MTFMT: variants seen among roughly 807,000 people sequenced by gnomAD.
The protein encoded by MTFMT is methionyl-tRNA formyltransferase, mitochondrial.
A neutral mutation model predicts 51.8 loss-of-function variants in MTFMT; 47 were observed. The observed-to-expected ratio is 0.91, with a 90% CI of 0.72 to 1.16. MTFMT has a LOEUF of 1.16. MTFMT is among the 50% of genes most tolerant of loss of function. The probability of loss-of-function intolerance (pLI) is 0.00; values close to 1 mark genes in which losing one functional copy is unlikely to be tolerated. For missense variants in MTFMT, 512 were observed against 482.3 expected (o/e 1.06, Z -0.58); for synonymous variants, 196 against 176.7 (o/e 1.11, Z -0.87).
intron 6 of MTFMT, among the ~76,000 whole-genome samples, chr15:65,011,485 CTTTTTTTTTT>C (rs536213292): frequency 0.023 from 1,702 of 74,094 alleles, 16 homozygotes; most frequent in Admixed American, 0.035. Flanking sequence ...TGTAAGCTGT[CTTTTTTTTTT>C]TTTTTTTTTT....
intron 6 of MTFMT, among the ~76,000 whole-genome samples, chr15:65,006,931 C>T (rs1010960630): frequency 3.3e-5 from 5 of 152,212 alleles, no homozygotes; most frequent in South Asian, 2.1e-4. Context: ...AGGAGACAGC[C>T]AAATGCCACC....
chr15:65,011,522 G>A (rs1202416386), intron 6 of MTFMT, among the ~76,000 whole-genome samples: 1 of 121,782 alleles, frequency 8.2e-6, no homozygotes, highest in Non-Finnish European at 1.6e-5. Flanking sequence ...TTGAGACAGG[G>A]TCTCACTTTG....
chr15:65,027,487 C>T (rs1048870455), intron 1 of MTFMT, among the ~76,000 whole-genome samples: 3 of 152,208 alleles, frequency 2.0e-5, no homozygotes, highest in Admixed American at 6.5e-5. Context: ...GCGTGAACAC[C>T]GTGCCCAGCC....
Position 65,023,775 on chromosome 15 carries a change from G to T in MTFMT, c.439C>A (p.Pro147Thr), listed in dbSNP as rs763339472. 1 of 1,612,312 alleles carries T rather than the reference G, an allele frequency of 6.2e-7. No homozygotes were observed. Among genetic ancestry groups the T allele is most frequent in the Admixed American group, 1.7e-5 (1 of 59,816 alleles). ...KFPYGILNVH[P>T]SCLPRWRGPA... ...CCACGCCATCTCGGGAGGCAACTGG[G>T]ATGAACATTCAATATGCCACTGAGT... Residue 147 changes from proline (P) to threonine (T), a missense_variant, in exon 3 of 9, where the codon CCC (proline) becomes ACC (threonine). By Grantham distance (38) the Pro-to-Thr change is conservative. Coordinates refer to ENST00000220058, the MANE Select transcript of MTFMT (RefSeq NM_139242.4).
chr15:65,017,503 T>C (rs1171575106), intron 5 of MTFMT, among the ~76,000 whole-genome samples: 1 of 152,194 alleles, frequency 6.6e-6, no homozygotes, highest in Admixed American at 6.5e-5. Flanking sequence ...TATATTCACA[T>C]AGCTGAGAAC....
chr15:65,026,757 T>A (rs1404774836), intron 2 of MTFMT, 74 bp downstream of exon 2: 1 of 1,150,916 alleles, frequency 8.7e-7, no homozygotes, highest in East Asian at 2.4e-5. Context: ...GTTCAAATTA[T>A]CACATTTTAT....
chr15:65,008,259 C>T (rs1195166108), intron 6 of MTFMT, among the ~76,000 whole-genome samples: 5 of 152,106 alleles, frequency 3.3e-5, no homozygotes, highest in African/African-American at 9.7e-5. Flanking sequence ...CTTCCCCCAC[C>T]AATGGTTGGC....
At position 65,002,221 on chromosome 15, in the gene MTFMT, A is replaced by AC. The variant is rs1194867709; in HGVS notation, c.*840dup. On this transcript the variant is annotated 3_prime_UTR_variant, in exon 9 of 9. Transcript: ENST00000220058. The stretch of plus-strand genomic sequence containing the variant: ...AGACCATCCTGGCTAACACAGTGAA[A>AC]CCCCATCTCTACTAAAAATACAAAA... 1 of 151,672 alleles carries AC rather than the reference A, an allele frequency of 6.6e-6. No homozygotes were observed. The highest frequency in any genetic ancestry group is 1.5e-5 in the Non-Finnish European group (1 of 67,990). The allele number at this position is 151,672 out of a possible 1,614,324, so 9.4% of individuals were successfully genotyped here.
rs376154564 is a variant in MTFMT at position 65,003,112 on chromosome 15, T to C, written c.1120A>G (p.Thr374Ala). ...ACAGTTTTTTTCTGCTTCTTCTTTG[T>C]TGGAAGTCTGAGAGTCTGAAATCTG... ...QCRFQTLRLP[T>A]KKKQKKTVAM... The change falls in exon 9 of 9, where the codon ACA (threonine) becomes GCA (alanine). Residue 374 changes from threonine to alanine, a missense_variant. Transcript: ENST00000220058. The C allele has an allele frequency of 2.5e-5, 41 of 1,611,378 alleles. No individual in the cohort carries two copies. Among genetic ancestry groups the C allele is most frequent in the Admixed American group, 5.0e-5 (3 of 59,674 alleles).
chr15:65,008,471 A>G (rs765269883), intron 6 of MTFMT, among the ~76,000 whole-genome samples: 15 of 152,336 alleles, frequency 9.8e-5, no homozygotes, highest in South Asian at 2.1e-4. Flanking sequence ...CTGTAGTTCA[A>G]TCCTCTATTT....
In MTFMT at chr15:65,028,399, C is replaced by T. The variant is rs551913807; in HGVS notation, c.209+1006G>A. Among the ~76,000 whole-genome samples, 27 of 152,170 alleles carry T rather than the reference C, an allele frequency of 1.8e-4. No individual in the cohort carries two copies. In the Middle Eastern group the frequency reaches 0.017, roughly 96 times the overall value. On this transcript the variant is annotated intron_variant, in intron 1 of 8. Coordinates refer to ENST00000220058, the MANE Select transcript of MTFMT (RefSeq NM_139242.4). ...CACTGCACTCCAGCCTGGGGGACAG[C>T]GCGAGACCTCGCCTCAGAAACAAAC...
intron 1 of MTFMT, among the ~76,000 whole-genome samples, chr15:65,028,025 A>G (rs2086442238): frequency 1.3e-5 from 2 of 152,214 alleles, no homozygotes; most frequent in African/African-American, 4.8e-5. Context: ...TTTATTAAAC[A>G]GGTATTGTAT....
intron 6 of MTFMT, 117 bp from the exon 7 acceptor site, chr15:65,006,308 A>C: frequency 1.4e-6 from 1 of 702,018 alleles, no homozygotes; most frequent in Admixed American, 2.1e-5. Flanking sequence ...TTGGGAACTC[A>C]GTCACTAAGT....
rs398027674 is a variant in MTFMT, at chr15:65,002,962, CAA to C, written c.*98_*99del. The C allele has an allele frequency of 0.029, 9,207 of 321,768 alleles. No individual in the cohort carries two copies. The highest frequency in any genetic ancestry group is 0.054 in the East Asian group (906 of 16,826). The allele number at this position is 321,768 out of a possible 1,614,324, so 19.9% of individuals were successfully genotyped here. ...TGGGTGACAGAGTGAGACTCTGTCT[CAA>C]AAAAAAAAAAAAAAAAAAAAGTCCA... On this transcript the variant is annotated 3_prime_UTR_variant, in exon 9 of 9. Transcript: ENST00000220058.
rs2086323375 is a variant in MTFMT, at chr15:65,016,504, T to C, written c.745A>G (p.Ser249Gly). The C allele has an allele frequency of 2.5e-6, 4 of 1,611,976 alleles. No homozygotes were observed. The highest frequency in any genetic ancestry group is 2.5e-6 in the Non-Finnish European group (3 of 1,178,584). Residue 249 changes from serine to glycine, a missense_variant, in exon 6 of 9, where the codon AGT becomes GGT. Physicochemically the swap from Ser to Gly is moderately conservative, Grantham distance 56 (BLOSUM62 0). Transcript: ENST00000220058. ...GTTTGTTCCTCCCATTTTATACAACTGGTACCAGCAGAAATCTTAGGGGCT... is the reference window on the plus strand; with the variant it reads ...GTTTGTTCCTCCCATTTTATACAACCGGTACCAGCAGAAATCTTAGGGGCT... ...TYAPKISAGT[S>G]CIKWEEQTSE...
At position 65,027,729 on chromosome 15, in the gene MTFMT, G is replaced by A. The variant is rs187625703; in HGVS notation, c.210-689C>T. ...TTTTTGAAAAATGGGTTAAATATAC[G>A]TATATTTGTATATTCACTGAACATT... On this transcript the variant is annotated intron_variant, in intron 1 of 8. Coordinates refer to ENST00000220058, the MANE Select transcript of MTFMT (RefSeq NM_139242.4). Among the ~76,000 whole-genome samples the A allele has an allele frequency of 1.1e-3, 172 of 152,012 alleles. 1 individual carries two copies. The highest frequency in any genetic ancestry group is 2.9e-3 in the Admixed American group (44 of 15,260).
At chr15:65,029,179 G>C in intron 1 of MTFMT, 1 of 802,476 alleles carries the variant, frequency 1.2e-6, no homozygotes, top group South Asian at 5.6e-5. Context: ...AGAACCCACA[G>C]AGGCGGCGGG....
intron 4 of MTFMT, among the ~76,000 whole-genome samples, chr15:65,021,220 G>A (rs949494331): frequency 6.6e-6 from 1 of 152,210 alleles, no homozygotes; most frequent in African/African-American, 2.4e-5. Context: ...ATACATACCA[G>A]AGTGCGGAGA....
chr15:65,022,676 TA>T (rs2086384025), intron 3 of MTFMT, among the ~76,000 whole-genome samples: 2 of 151,966 alleles, frequency 1.3e-5, no homozygotes, highest in South Asian at 4.2e-4. Context: ...GTGAACAGTC[TA>T]ATGAATCATC....
Sources: gnomAD v4.1 joint callset for allele counts (sites outside exome capture counted in the v4.1 genomes callset) on GRCh38, gnomAD v4.1.1 for gene constraint, MANE v1.5 for transcripts, NCBI Gene and HGNC (gene_info 2026-07-23, HGNC 2026-07-21) for gene names.